Variants in SYTL5 observed in about 807,000 individuals in gnomAD.
SYTL5 encodes synaptotagmin-like protein 5.
A neutral mutation model predicts 55.9 loss-of-function variants in SYTL5; 34 were observed. The observed-to-expected ratio is 0.61, with a 90% CI of 0.46 to 0.81. The LOEUF is 0.81. SYTL5 is among the 30% of genes least tolerant of loss of function. The pLI, the probability that SYTL5 is intolerant of heterozygous loss-of-function variation, is 0.00. For synonymous variants in SYTL5, 221 were observed against 188.7 expected (o/e 1.17, Z -1.40); for missense variants, 637 against 546.7 (o/e 1.17, Z -1.65).
chrX:38,082,293 A>G (rs771013715), intron 6 of SYTL5, among the ~76,000 whole-genome samples: 30 of 111,531 alleles, frequency 2.7e-4, no homozygotes, highest in African/African-American at 9.4e-4. Flanking sequence ...CCCTCCTCCA[A>G]TTTAATAAAT....
chrX:37,897,314 C>T, the SYTL5 span, among the ~76,000 whole-genome samples: 8 of 110,134 alleles, frequency 7.3e-5, no homozygotes, highest in African/African-American at 2.3e-4. Context: ...GAAACCCCAT[C>T]TCTACTAAAA....
chrX:37,906,185 G>T, the SYTL5 span: 32 of 112,183 alleles, frequency 2.9e-4, no homozygotes, highest in African/African-American at 9.4e-4. Context: ...TTACTGTTTG[G>T]GGGACTCGCG....
chrX:37,997,631 G>A, the SYTL5 span, among the ~76,000 whole-genome samples: 2 of 112,383 alleles, frequency 1.8e-5, no homozygotes, highest in East Asian at 5.6e-4. Context: ...CTTAGGAAGG[G>A]AGACAATGGG....
chrX:37,910,496 G>C, the SYTL5 span, among the ~76,000 whole-genome samples: 84 of 112,154 alleles, frequency 7.5e-4, no homozygotes, highest in African/African-American at 2.7e-3. Flanking sequence ...GAAACCATTG[G>C]ACAAGTACAA....
intron 7 of SYTL5, 129 bp downstream of exon 7, chrX:38,089,716 C>A: frequency 1.4e-6 from 1 of 710,931 alleles, no homozygotes; most frequent in Non-Finnish European, 2.0e-6. Flanking sequence ...GCTGCAGAGA[C>A]CTCAGGAAAC....
At chrX:38,054,126 A>T in intron 2 of SYTL5, 87 bp from the exon 3 acceptor site, 5 of 688,015 alleles carry the variant, frequency 7.3e-6, no homozygotes, top group Non-Finnish European at 1.1e-5. Context: ...CAAATATTCT[A>T]TCTATTTTAG....
chrX:38,090,529 G>A (rs1474770468), intron 7 of SYTL5, among the ~76,000 whole-genome samples: 1 of 111,724 alleles, frequency 9.0e-6, no homozygotes, highest in Non-Finnish European at 1.9e-5. Context: ...TTTTTATTTA[G>A]CAGGAAGCTC....
At chrX:37,951,940 C>A in the SYTL5 span, among the ~76,000 whole-genome samples, 18 of 111,308 alleles carry the variant, frequency 1.6e-4, no homozygotes, top group Admixed American at 1.5e-3. Context: ...CCAGGCAAAT[C>A]TATTGCAGTA....
At chrX:37,917,921 C>A in the SYTL5 span, among the ~76,000 whole-genome samples, 1 of 111,821 alleles carries the variant, frequency 8.9e-6, no homozygotes, top group African/African-American at 3.2e-5. Context: ...GCAAACAATT[C>A]ACTTTTCCAA....
intron 10 of SYTL5, among the ~76,000 whole-genome samples, chrX:38,104,667 A>T (rs1937162175): frequency 8.9e-6 from 1 of 111,980 alleles, no homozygotes; most frequent in African/African-American, 3.2e-5. Flanking sequence ...GCAAATTATG[A>T]AAAAGAAGAC....
chrX:38,015,589 C>T (rs1934323953), intron 1 of SYTL5, among the ~76,000 whole-genome samples: 1 of 110,952 alleles, frequency 9.0e-6, no homozygotes, highest in African/African-American at 3.3e-5. Context: ...CCCCATAGGA[C>T]GTTAAAAAAA....
the SYTL5 span, among the ~76,000 whole-genome samples, chrX:37,983,099 GAAGCAGTA>G: frequency 2.7e-5 from 3 of 111,042 alleles, no homozygotes; most frequent in Non-Finnish European, 5.7e-5. Context: ...AATGCAAAAG[GAAGCAGTA>G]AAGCAGTAAT....
the SYTL5 span, among the ~76,000 whole-genome samples, chrX:38,000,008 C>T: frequency 9.0e-6 from 1 of 111,502 alleles, no homozygotes; most frequent in Non-Finnish European, 1.9e-5. Flanking sequence ...GTTGGGGTCG[C>T]TTGGATTTCT....
At chrX:38,029,916 A>G (rs187233327) in intron 1 of SYTL5, among the ~76,000 whole-genome samples, 5 of 111,803 alleles carry the variant, frequency 4.5e-5, no homozygotes, top group African/African-American at 1.6e-4. Flanking sequence ...AAGACTTTTC[A>G]TTTGCCAGTT....
intron 1 of SYTL5, among the ~76,000 whole-genome samples, chrX:38,022,275 A>C (rs977252974): frequency 6.2e-5 from 7 of 112,535 alleles, no homozygotes; most frequent in African/African-American, 2.3e-4. Flanking sequence ...TAAGAGAAGT[A>C]TGAAAATGTA....
At chrX:37,895,416 C>CCTTCCTTCCTTT in the SYTL5 span, among the ~76,000 whole-genome samples, 4 of 82,960 alleles carry the variant, frequency 4.8e-5, no homozygotes, top group African/African-American at 2.8e-4. Flanking sequence ...TCTTTTCCTT[C>CCTTCCTTCCTTT]CTTCCTTCCT....
the SYTL5 span, among the ~76,000 whole-genome samples, chrX:37,975,909 A>G: frequency 9.0e-6 from 1 of 111,381 alleles, no homozygotes; most frequent in African/African-American, 3.3e-5. Flanking sequence ...ATGAAACTAA[A>G]TCTTCGTCAG....
chrX:38,107,460 G>T (rs5918475), intron 11 of SYTL5, among the ~76,000 whole-genome samples: 28,279 of 110,793 alleles, frequency 0.26, 3,314 homozygotes, highest in African/African-American at 0.44. Context: ...CCAAGGAAGC[G>T]TGTTAGAAAC....
At chrX:38,084,905 G>A (rs968230435) in intron 6 of SYTL5, among the ~76,000 whole-genome samples, 1 of 110,954 alleles carries the variant, frequency 9.0e-6, no homozygotes, top group Admixed American at 9.6e-5. Context: ...TAATGTTCAT[G>A]TGTCACAAAA....
Sources: gnomAD v4.1 joint callset for allele counts (sites outside exome capture counted in the v4.1 genomes callset) on GRCh38, gnomAD v4.1.1 for gene constraint, MANE v1.5 for transcripts, NCBI Gene and HGNC (gene_info 2026-07-23, HGNC 2026-07-21) for gene names.